Variants in ATP6V0D2 observed in about 807,000 individuals in gnomAD.
The protein encoded by ATP6V0D2 is V-type proton ATPase subunit d 2.
In ATP6V0D2, 40 loss-of-function variants were observed where a neutral mutation model predicts 40.0. The ratio of observed to expected loss-of-function variants is 1.00; its 90% confidence interval spans 0.78 to 1.30. ATP6V0D2 has a LOEUF of 1.30. ATP6V0D2 is among the 50% of genes most tolerant of loss of function. The pLI is 0.00. For missense variants in ATP6V0D2, 470 were observed against 423.1 expected (o/e 1.11, Z -0.97); for synonymous variants, 179 against 156.3 (o/e 1.15, Z -1.08).
At position 86,098,926 on chromosome 8, in the gene ATP6V0D2, C is replaced by T. The variant is rs192022089; in HGVS notation, c.-53C>T. ...CAGGCTAGTGCAAATCTTCAGGGGC[C>T]GTCCAGGACTACAGAGCTGTTTCAC... On this transcript the variant is annotated 5_prime_UTR_variant, in exon 1 of 8. Coordinates refer to ENST00000285393, the MANE Select transcript of ATP6V0D2 (RefSeq NM_152565.1). 77 of 1,573,588 alleles carry T rather than the reference C, an allele frequency of 4.9e-5. No homozygotes were observed. The East Asian group carries it at 8.2e-4, about 17-fold the overall frequency.
rs1019939377 is a variant in ATP6V0D2, at chr8:86,099,095, T to C, written c.117T>C (p.Cys39=). ...TQQDYINLVQ[C]ETLEDLKIHL... is the part of the protein sequence containing the mutation. Reference sequence around the variant, plus strand: ...AAGACTATATCAACCTGGTCCAGTGTGAGACCCTAGAAGGTAAGTGTAGCT... The same window carrying C: ...AAGACTATATCAACCTGGTCCAGTGCGAGACCCTAGAAGGTAAGTGTAGCT... Residue 39 remains cysteine (C), a synonymous_variant, in exon 1 of 8, where the codon TGT becomes TGC. Transcript: ENST00000285393. 4.3e-6 allele frequency: 7 copies of C among 1,610,840 alleles called. No homozygotes were observed. The highest frequency in any genetic ancestry group is 5.9e-6 in the Non-Finnish European group (7 of 1,179,016).
At chr8:86,146,055 A>G (rs1037475063) in intron 5 of ATP6V0D2, among the ~76,000 whole-genome samples, 1 of 152,230 alleles carries the variant, frequency 6.6e-6, no homozygotes, top group Admixed American at 6.5e-5. Flanking sequence ...CAGTTGGCTC[A>G]CGTACTTATG....
At chr8:86,120,244 T>A (rs1367947110) in intron 2 of ATP6V0D2, among the ~76,000 whole-genome samples, 3 of 151,498 alleles carry the variant, frequency 2.0e-5, no homozygotes, top group South Asian at 2.1e-4. Flanking sequence ...AGAGAAAAAA[T>A]TTAAAAATTA....
At chr8:86,124,242 G>A (rs1431577639) in intron 2 of ATP6V0D2, among the ~76,000 whole-genome samples, 3 of 152,146 alleles carry the variant, frequency 2.0e-5, no homozygotes, top group East Asian at 1.9e-4. Context: ...AAACTCTCAA[G>A]CATTTTGTGA....
At position 86,134,506 on chromosome 8, in the gene ATP6V0D2, T is replaced by C. The variant is rs141277569; in HGVS notation, c.303-4951T>C. Among the ~76,000 whole-genome samples the C allele has an allele frequency of 2.9e-3, 440 of 152,216 alleles. 1 individual carries two copies. The highest frequency in any genetic ancestry group is 6.8e-3 in the Middle Eastern group (2 of 294). ...TGTCTGATGTGGTTCTCGATATACA[T>C]AGAGGAAATATAAGTTATAAACAGG... is the stretch of plus-strand genomic sequence containing the variant. On this transcript the variant is annotated intron_variant, in intron 2 of 7. Transcript: ENST00000285393.
chr8:86,132,998 T>A (rs1412453692), intron 2 of ATP6V0D2, among the ~76,000 whole-genome samples: 2 of 152,158 alleles, frequency 1.3e-5, no homozygotes, highest in South Asian at 2.1e-4. Context: ...TATTTTATTG[T>A]TTGTCTTTTT....
intron 2 of ATP6V0D2, among the ~76,000 whole-genome samples, chr8:86,131,354 C>A (rs1586096265): frequency 6.6e-6 from 1 of 151,860 alleles, no homozygotes; most frequent in South Asian, 2.1e-4. Context: ...CGCACACCAA[C>A]ACGCTCAGCT....
intron 3 of ATP6V0D2, among the ~76,000 whole-genome samples, chr8:86,140,081 T>A (rs1424932246): frequency 2.0e-5 from 3 of 152,252 alleles, no homozygotes; most frequent in Non-Finnish European, 2.9e-5. Flanking sequence ...GGAAGCATTT[T>A]CTTTCAGGAA....
chr8:86,125,944 A>C lies in ATP6V0D2; in HGVS notation c.302+12064A>C, dbSNP rs183398197. ...TTTACTTAATTTAATTCATTAACTT[A>C]TTTGTTTTTCTGAGACAGAGTCTCA... On this transcript the variant is annotated intron_variant, in intron 2 of 7. Transcript: ENST00000285393. Among the ~76,000 whole-genome samples, 292 of 149,074 alleles carry C rather than the reference A, an allele frequency of 2.0e-3. 1 individual carries two copies. Among genetic ancestry groups the C allele is most frequent in the African/African-American group, 6.6e-3 (270 of 40,982 alleles).
chr8:86,137,194 TC>T (rs1269119131), intron 2 of ATP6V0D2, among the ~76,000 whole-genome samples: 2 of 152,050 alleles, frequency 1.3e-5, no homozygotes, highest in East Asian at 3.9e-4. Context: ...ACAGACACAC[TC>T]CACTGAAGGC....
intron 2 of ATP6V0D2, among the ~76,000 whole-genome samples, chr8:86,126,235 C>CATATATATATATATATATATAT (rs1469239345): frequency 3.7e-5 from 1 of 27,238 alleles, no homozygotes; most frequent in Admixed American, 3.4e-4. Context: ...CCGTGCTCAG[C>CATATATATATATATATATATAT]CTATATATAT....
intron 6 of ATP6V0D2, among the ~76,000 whole-genome samples, chr8:86,151,076 C>T (rs1055034497): frequency 2.6e-5 from 4 of 152,188 alleles, no homozygotes; most frequent in Admixed American, 6.5e-5. Context: ...ACCCCTTCCA[C>T]ACTGGAAACT....
At chr8:86,112,753 C>T (rs1219425114) in intron 1 of ATP6V0D2, among the ~76,000 whole-genome samples, 1 of 152,024 alleles carries the variant, frequency 6.6e-6, no homozygotes, top group Non-Finnish European at 1.5e-5. Flanking sequence ...AAGTGACAAT[C>T]AACAAAGCTG....
intron 2 of ATP6V0D2, among the ~76,000 whole-genome samples, chr8:86,139,159 C>T (rs1043178031): frequency 6.1e-5 from 9 of 148,300 alleles, no homozygotes; most frequent in Non-Finnish European, 1.3e-4. Context: ...ACCCAGGAGG[C>T]GGAGGTTGCA....
intron 2 of ATP6V0D2, among the ~76,000 whole-genome samples, chr8:86,128,232 C>T (rs903897498): frequency 7.9e-5 from 12 of 152,080 alleles, no homozygotes; most frequent in East Asian, 3.9e-4. Flanking sequence ...GCCTGTAATC[C>T]CAGCTACTCA....
intron 1 of ATP6V0D2, among the ~76,000 whole-genome samples, chr8:86,108,299 C>T (rs1818493250): frequency 6.6e-6 from 1 of 152,104 alleles, no homozygotes; most frequent in Non-Finnish European, 1.5e-5. Flanking sequence ...TGCCACCACA[C>T]CCAGCTAACT....
At chr8:86,105,574 C>T (rs1037418580) in intron 1 of ATP6V0D2, among the ~76,000 whole-genome samples, 3 of 150,412 alleles carry the variant, frequency 2.0e-5, no homozygotes, top group African/African-American at 4.9e-5. Context: ...CTGAGATTAC[C>T]GGTGTAAGCC....
At chr8:86,135,395 A>C (rs1473702734) in intron 2 of ATP6V0D2, among the ~76,000 whole-genome samples, 1 of 152,202 alleles carries the variant, frequency 6.6e-6, no homozygotes, top group African/African-American at 2.4e-5. Flanking sequence ...GAAATGTTAA[A>C]ATATCATCTG....
intron 2 of ATP6V0D2, among the ~76,000 whole-genome samples, chr8:86,114,768 A>G (rs1818570905): frequency 6.6e-6 from 1 of 152,230 alleles, no homozygotes; most frequent in Non-Finnish European, 1.5e-5. Flanking sequence ...CAAATGGACC[A>G]TTTGAAATAA....
Sources: gnomAD v4.1 joint callset for allele counts (sites outside exome capture counted in the v4.1 genomes callset) on GRCh38, gnomAD v4.1.1 for gene constraint, MANE v1.5 for transcripts, NCBI Gene and HGNC (gene_info 2026-07-23, HGNC 2026-07-21) for gene names.